Variants in RALGAPB observed in about 807,000 individuals in gnomAD.
The protein encoded by RALGAPB is ral GTPase-activating protein subunit beta.
Under a neutral mutation model 161.1 loss-of-function variants are expected in RALGAPB, and 25 were observed. The observed-to-expected ratio is 0.16, with a 90% CI of 0.11 to 0.22. RALGAPB has a LOEUF of 0.22. Among genes scored for constraint, RALGAPB ranks in the 10% least tolerant of loss-of-function variants. The pLI, the probability that RALGAPB is intolerant of heterozygous loss-of-function variation, is 1.00. For missense variants in RALGAPB, 1,391 were observed against 1,815.2 expected, an observed-to-expected ratio of 0.77 and a Z score of 4.25; for synonymous variants, 629 against 626.1, an observed-to-expected ratio of 1.00 and a Z score of -0.07.
intron 5 of RALGAPB, 74 bp from the exon 6 acceptor site, chr20:38,508,999 CTCTG>C (rs2085853493): frequency 6.8e-7 from 1 of 1,479,040 alleles, no homozygotes; most frequent in Non-Finnish European, 9.3e-7. Flanking sequence ...CATCCATTTT[CTCTG>C]TCTTCTTTCT....
At chr20:38,548,966 A>G (rs941416659) in intron 20 of RALGAPB, among the ~76,000 whole-genome samples, 171 bp downstream of exon 20, 12 of 152,230 alleles carry the variant, frequency 7.9e-5, no homozygotes, top group African/African-American at 2.4e-4. Flanking sequence ...GATGTACTCA[A>G]TTACTCTTTA....
intron 6 of RALGAPB, among the ~76,000 whole-genome samples, chr20:38,511,533 T>C (rs2085952811): frequency 1.3e-5 from 2 of 152,090 alleles, no homozygotes; most frequent in South Asian, 4.1e-4. Flanking sequence ...TGGTGATGAC[T>C]CTTAACGGGT....
intron 22 of RALGAPB, among the ~76,000 whole-genome samples, chr20:38,554,353 A>G (rs1209885232): frequency 1.3e-5 from 2 of 152,218 alleles, no homozygotes; most frequent in African/African-American, 2.4e-5. Flanking sequence ...CAGTACCCAT[A>G]TTACACAGAT....
chr20:38,524,534 G>A (rs932390847), intron 10 of RALGAPB, among the ~76,000 whole-genome samples: 2 of 152,004 alleles, frequency 1.3e-5, no homozygotes, highest in African/African-American at 4.8e-5. Context: ...GGGTCTTAGT[G>A]TATATGATTC....
At chr20:38,513,086 G>A (rs2086013260) in intron 6 of RALGAPB, among the ~76,000 whole-genome samples, 1 of 151,782 alleles carries the variant, frequency 6.6e-6, no homozygotes, top group Non-Finnish European at 1.5e-5. Context: ...TAAAAATATA[G>A]GCCAGGCACG....
chr20:38,516,465 A>G (rs913285508), intron 7 of RALGAPB, 95 bp downstream of exon 7: 8 of 1,177,380 alleles, frequency 6.8e-6, no homozygotes, highest in African/African-American at 3.1e-5. Context: ...TCCGAAGGAA[A>G]AGATGAACAG....
intron 1 of RALGAPB, among the ~76,000 whole-genome samples, chr20:38,480,996 A>C (rs913455941): frequency 6.6e-6 from 1 of 151,900 alleles, no homozygotes; most frequent in Non-Finnish European, 1.5e-5. Context: ...TTGGCCTCCC[A>C]AAGTGCTGGG....
At chr20:38,524,727 T>C (rs541761830) in intron 10 of RALGAPB, 51 bp from the exon 11 acceptor site, 1 of 1,393,958 alleles carries the variant, frequency 7.2e-7, no homozygotes, top group Admixed American at 1.8e-5. Flanking sequence ...ATAATAATTA[T>C]GAAAACTTTT....
At chr20:38,485,544 G>C (rs117039742) in intron 1 of RALGAPB, among the ~76,000 whole-genome samples, 21 of 152,102 alleles carry the variant, frequency 1.4e-4, no homozygotes, top group African/African-American at 4.8e-4. Context: ...TCCTGCCTCA[G>C]CCTCCTGAGT....
chr20:38,559,320 A>C (rs555599603), intron 23 of RALGAPB, among the ~76,000 whole-genome samples: 8 of 152,264 alleles, frequency 5.3e-5, no homozygotes, highest in Non-Finnish European at 8.8e-5. Context: ...TCACCTTCCT[A>C]GTAATTTCAG....
At chr20:38,507,823 G>C (rs2085810319) in intron 5 of RALGAPB, among the ~76,000 whole-genome samples, 2 of 151,854 alleles carry the variant, frequency 1.3e-5, no homozygotes, top group South Asian at 4.1e-4. Flanking sequence ...TTCCCCTGCT[G>C]TTTTGATATT....
At chr20:38,560,397 G>A (rs1046600199) in intron 23 of RALGAPB, among the ~76,000 whole-genome samples, 2 of 152,220 alleles carry the variant, frequency 1.3e-5, no homozygotes, top group Admixed American at 6.5e-5. Flanking sequence ...AGGTAAGGAG[G>A]TAGAAGCAGA....
At chr20:38,505,672 TATA>T (rs1285472018) in intron 5 of RALGAPB, among the ~76,000 whole-genome samples, 3 of 152,212 alleles carry the variant, frequency 2.0e-5, no homozygotes, top group Non-Finnish European at 4.4e-5. Context: ...TTTTTAAACA[TATA>T]ATCCTATTGC....
At chr20:38,495,873 A>G (rs530342640) in intron 3 of RALGAPB, among the ~76,000 whole-genome samples, 7 of 152,076 alleles carry the variant, frequency 4.6e-5, no homozygotes, top group African/African-American at 1.4e-4. Context: ...CTTTCCTGTC[A>G]TTGGGCAAAT....
At chr20:38,550,819 G>GT (rs1319840859) in intron 20 of RALGAPB, among the ~76,000 whole-genome samples, 3 of 152,194 alleles carry the variant, frequency 2.0e-5, no homozygotes, top group Non-Finnish European at 4.4e-5. Context: ...GCCTGCAGCA[G>GT]TAGAGGTCCA....
chr20:38,570,077 ATAAG>A, intron 27 of RALGAPB, 81 bp downstream of exon 27: 6 of 1,198,034 alleles, frequency 5.0e-6, no homozygotes, highest in Non-Finnish European at 6.1e-6. Context: ...GAGTGGGCAC[ATAAG>A]CCTGGTGTGG....
At chr20:38,487,711 G>A (rs2085158716) in intron 1 of RALGAPB, among the ~76,000 whole-genome samples, 1 of 152,134 alleles carries the variant, frequency 6.6e-6, no homozygotes, top group Admixed American at 6.5e-5. Context: ...GGAAAATCTA[G>A]GAGACTACAT....
intron 16 of RALGAPB, among the ~76,000 whole-genome samples, chr20:38,537,154 CAA>C: frequency 6.6e-6 from 1 of 152,182 alleles, no homozygotes. Flanking sequence ...TAGGGGTGGA[CAA>C]ATTGATCGGT....
At chr20:38,504,850 C>A (rs1197724475) in intron 5 of RALGAPB, among the ~76,000 whole-genome samples, 1 of 152,060 alleles carries the variant, frequency 6.6e-6, no homozygotes, top group Non-Finnish European at 1.5e-5. Flanking sequence ...AATCATCAAA[C>A]AAATGCAAAT....
Sources: allele counts gnomAD v4.1 joint callset (sites outside exome capture counted in the v4.1 genomes callset), GRCh38; gene constraint gnomAD v4.1.1; transcripts MANE v1.5; gene names NCBI Gene and HGNC (gene_info 2026-07-23, HGNC 2026-07-21).